The following TMLHE variants were observed in gnomAD, a reference collection of about 807,000 sequenced individuals.
The protein encoded by TMLHE is trimethyllysine dioxygenase, mitochondrial.
TMLHE carries 18 observed loss-of-function variants against 25.7 expected under a neutral mutation model. The observed-to-expected ratio is 0.70, with a 90% CI of 0.48 to 1.04. The LOEUF (loss-of-function observed/expected upper bound fraction) is 1.04. Ranked by LOEUF, TMLHE falls within the 50% of genes least tolerant of loss-of-function variation. The pLI is 0.00. For missense variants in TMLHE, 236 were observed against 259.0 expected (o/e 0.91, Z 0.61); for synonymous variants, 105 against 97.0 (o/e 1.08, Z -0.49).
intron 2 of TMLHE, among the ~76,000 whole-genome samples, chrX:155,526,555 C>T (rs2067220705): frequency 8.9e-6 from 1 of 112,512 alleles, no homozygotes; most frequent in African/African-American, 3.2e-5. Context: ...AGAGTCCCCA[C>T]TAGGGCACTG....
intron 2 of TMLHE, among the ~76,000 whole-genome samples, chrX:155,540,298 A>T (rs926696149): frequency 1.8e-5 from 2 of 111,566 alleles, no homozygotes; most frequent in Non-Finnish European, 3.8e-5. Flanking sequence ...GGCAAGAAAA[A>T]ATGACTCATC....
chrX:155,545,210 A>G lies in TMLHE; in HGVS notation c.67T>C (p.Tyr23His), dbSNP rs781943098. The change falls in exon 2 of 8, where the codon TAT (tyrosine) becomes CAT (histidine). Residue 23 changes from tyrosine to histidine, a missense_variant. Physicochemically the swap from Tyr to His is moderately conservative, Grantham distance 83 (BLOSUM62 2). Transcript: ENST00000334398. ...LQDLLKGGVI[Y>H]PALPQPNFKS... ...AAGTTGGGCTGTGGAAGGGCCGGAT[A>G]TATGACTCCTCCCTTCAGCAAGTCC... 7 of 1,210,256 alleles carry G rather than the reference A, an allele frequency of 5.8e-6. 1 individual carries two copies. Among genetic ancestry groups the G allele is most frequent in the South Asian group, 3.5e-5 (2 of 56,809 alleles).
intron 2 of TMLHE, among the ~76,000 whole-genome samples, chrX:155,534,862 C>G (rs2067269372): frequency 9.0e-6 from 1 of 111,716 alleles, no homozygotes; most frequent in Admixed American, 9.5e-5. Flanking sequence ...TGTTAAAGCT[C>G]TAATCCCCAA....
At chrX:155,580,225 A>T (rs2067617302) in intron 1 of TMLHE, among the ~76,000 whole-genome samples, 1 of 112,085 alleles carries the variant, frequency 8.9e-6, no homozygotes, top group African/African-American at 3.2e-5. Context: ...AATGACCAAT[A>T]GACATATGAA....
At chrX:155,554,275 G>T (rs1557340422) in intron 1 of TMLHE, among the ~76,000 whole-genome samples, 2 of 110,652 alleles carry the variant, frequency 1.8e-5, no homozygotes, top group African/African-American at 6.6e-5. Flanking sequence ...ATTTCATTTA[G>T]GATCAGTTTA....
intron 1 of TMLHE, among the ~76,000 whole-genome samples, chrX:155,549,362 G>C (rs1473696463): frequency 1.8e-5 from 2 of 110,114 alleles, no homozygotes; most frequent in East Asian, 5.7e-4. Context: ...GGATTTTTTT[G>C]TTATTGTTAT....
chrX:155,605,141 C>T (rs897386019), intron 1 of TMLHE, among the ~76,000 whole-genome samples: 1 of 111,965 alleles, frequency 8.9e-6, no homozygotes, highest in Non-Finnish European at 1.9e-5. Flanking sequence ...AAAGTTGAAA[C>T]TGAATCCAAG....
At chrX:155,579,822 C>T (rs2124470736) in intron 1 of TMLHE, among the ~76,000 whole-genome samples, 2 of 110,774 alleles carry the variant, frequency 1.8e-5, no homozygotes, top group South Asian at 7.6e-4. Flanking sequence ...ATAAAAAAAT[C>T]AACTTAAGAT....
At chrX:155,611,445 C>T (rs1557348330) in intron 1 of TMLHE, 5 of 111,348 alleles carry the variant, frequency 4.5e-5, no homozygotes, top group Admixed American at 2.8e-4. Flanking sequence ...CCCAGTGATC[C>T]ACTTGGCTGG....
rs1233766174 is a variant in TMLHE at position 155,530,595 on chromosome X, T to C, written c.182-5963A>G. 3.6e-5 allele frequency among the ~76,000 whole-genome samples: 4 copies of C among 112,517 alleles called. No homozygotes were observed. In the Admixed American group the frequency reaches 3.8e-4, roughly 11 times the overall value. On this transcript the variant is annotated intron_variant, in intron 2 of 7. Transcript: ENST00000334398. Reference sequence around the variant, plus strand: ...CAAAAAAATGGGTAACTATGTGAGATGATTGATATGTTAATTTGCTTCACT... The same window carrying C: ...CAAAAAAATGGGTAACTATGTGAGACGATTGATATGTTAATTTGCTTCACT...
At position 155,563,226 on chromosome X, in the gene TMLHE, T is replaced by C. The variant is rs1376069996; in HGVS notation, c.-1-17949A>G. 3.2e-5 allele frequency among the ~76,000 whole-genome samples: 2 copies of C among 62,903 alleles called. 1 individual carries two copies. Among genetic ancestry groups the C allele is most frequent in the Non-Finnish European group, 9.0e-5 (2 of 22,341 alleles). 54.6% of individuals were successfully genotyped at this position (62,903 alleles called of 115,157 possible). A position where few individuals can be genotyped will look rare whatever the true frequency, so the allele number is the denominator to read the frequency against. On this transcript the variant is annotated intron_variant, in intron 1 of 7. Coordinates refer to ENST00000334398, the MANE Select transcript of TMLHE (RefSeq NM_018196.4). ...AAGAGGTTTAATTGACTCACAGTTCTGCATGGCTGCAAGGCCTCATGAAAC... is the reference window on the plus strand; with the variant it reads ...AAGAGGTTTAATTGACTCACAGTTCCGCATGGCTGCAAGGCCTCATGAAAC...
intron 6 of TMLHE, among the ~76,000 whole-genome samples, chrX:155,506,038 G>C (rs1227065704): frequency 9.0e-6 from 1 of 111,121 alleles, no homozygotes; most frequent in Non-Finnish European, 1.9e-5. Context: ...TGAATTACAT[G>C]CTAGAAGAGT....
intron 5 of TMLHE, among the ~76,000 whole-genome samples, chrX:155,507,791 A>G (rs1272990675): frequency 9.0e-6 from 1 of 111,416 alleles, no homozygotes; most frequent in Non-Finnish European, 1.9e-5. Flanking sequence ...AATATTTTAA[A>G]GAGTCCATTA....
At chrX:155,593,074 T>C in intron 1 of TMLHE, among the ~76,000 whole-genome samples, 1 of 111,417 alleles carries the variant, frequency 9.0e-6, no homozygotes, top group Non-Finnish European at 1.9e-5. Context: ...ACCTCAACTA[T>C]GCATTTCTAC....
At chrX:155,600,907 T>C (rs2067752279) in intron 1 of TMLHE, among the ~76,000 whole-genome samples, 1 of 111,780 alleles carries the variant, frequency 8.9e-6, no homozygotes, top group Non-Finnish European at 1.9e-5. Context: ...GCATAACATA[T>C]GAACAATCAC....
At chrX:155,504,946 G>C (rs1010529535) in intron 6 of TMLHE, among the ~76,000 whole-genome samples, 2 of 110,792 alleles carry the variant, frequency 1.8e-5, no homozygotes, top group Non-Finnish European at 3.8e-5. Flanking sequence ...TAAGGGTTTG[G>C]GTTAAATAGG....
chrX:155,524,700 A>T, intron 2 of TMLHE, 68 bp from the exon 3 acceptor site: 1 of 1,026,657 alleles, frequency 9.7e-7, no homozygotes, highest in Non-Finnish European at 1.3e-6. Flanking sequence ...CATCCAGAAA[A>T]CTTCCTTCTA....
chrX:155,549,240 T>C (rs182177760), intron 1 of TMLHE, among the ~76,000 whole-genome samples: 1 of 111,180 alleles, frequency 9.0e-6, no homozygotes. Context: ...GTTTTTTTGC[T>C]GCATTGTGCT....
chrX:155,554,609 T>G (rs1261711586), intron 1 of TMLHE, among the ~76,000 whole-genome samples: 1 of 110,372 alleles, frequency 9.1e-6, no homozygotes, highest in Non-Finnish European at 1.9e-5. Flanking sequence ...GATGAGGGTT[T>G]TTTATTTATT....
Sources: gnomAD v4.1 joint callset for allele counts (sites outside exome capture counted in the v4.1 genomes callset) on GRCh38, gnomAD v4.1.1 for gene constraint, MANE v1.5 for transcripts, NCBI Gene and HGNC (gene_info 2026-07-23, HGNC 2026-07-21) for gene names.